The following PARVB variants were observed in gnomAD, a reference collection of about 807,000 sequenced individuals.
PARVB encodes parvin beta, also known as beta-parvin.
Under a neutral mutation model 47.0 loss-of-function variants are expected in PARVB, and 46 were observed. The ratio of observed to expected loss-of-function variants is 0.98; its 90% confidence interval spans 0.77 to 1.25. PARVB has a LOEUF of 1.25. Among genes scored for constraint, PARVB ranks in the 50% most tolerant of loss-of-function variants. The probability of loss-of-function intolerance (pLI) is 0.00; values close to 1 mark genes in which losing one functional copy is unlikely to be tolerated. For missense variants in PARVB, 473 were observed against 471.6 expected, an observed-to-expected ratio of 1.00 and a Z score of -0.03; for synonymous variants, 196 against 196.3, an observed-to-expected ratio of 1.00 and a Z score of 0.01.
intron 8 of PARVB, chr22:44,142,974 C>G (rs1261593815): frequency 2.6e-5 from 4 of 152,382 alleles, no homozygotes; most frequent in Admixed American, 1.3e-4. Flanking sequence ...CACGCCTTGT[C>G]TTCGCTTCCC....
intron 3 of PARVB, chr22:44,105,516 G>C (rs1220433892): frequency 2.6e-5 from 4 of 152,256 alleles, no homozygotes; most frequent in Admixed American, 1.3e-4. Flanking sequence ...CCTAACCCCA[G>C]TTACTTTTTC....
intron 1 of PARVB, among the ~76,000 whole-genome samples, chr22:44,077,414 T>G (rs1043505467): frequency 6.6e-6 from 1 of 152,214 alleles, no homozygotes; most frequent in Non-Finnish European, 1.5e-5. Context: ...GCAACTTGAT[T>G]ACATCTGCAA....
chr22:44,163,981 G>A, intron 12 of PARVB, 51 bp downstream of exon 12: 2 of 1,413,156 alleles, frequency 1.4e-6, no homozygotes, highest in Admixed American at 1.8e-5. Flanking sequence ...CGGAGGGGAA[G>A]AAAAACGGGT....
intron 2 of PARVB, chr22:44,010,611 C>T (rs2050512216): frequency 6.6e-6 from 1 of 152,226 alleles, no homozygotes; most frequent in South Asian, 2.1e-4. Flanking sequence ...ATCTGAATCA[C>T]TGTTGTTTTC....
intron 9 of PARVB, chr22:44,148,688 T>C (rs1299433583): frequency 6.6e-6 from 1 of 152,296 alleles, no homozygotes; most frequent in Non-Finnish European, 1.5e-5. Flanking sequence ...GGCTGACCTA[T>C]ACTGTACTTC....
At chr22:44,047,294 A>G (rs532157607) in intron 1 of PARVB, among the ~76,000 whole-genome samples, 92 of 152,334 alleles carry the variant, frequency 6.0e-4, no homozygotes, top group African/African-American at 2.0e-3. Flanking sequence ...AGGAGGTGCC[A>G]TGCTCTTTTC....
At chr22:44,083,046 G>A (rs1019280379) in intron 1 of PARVB, among the ~76,000 whole-genome samples, 4 of 152,144 alleles carry the variant, frequency 2.6e-5, no homozygotes, top group Non-Finnish European at 5.9e-5. Context: ...GTACTAGCAA[G>A]TCCCTAATTG....
At chr22:44,146,305 AC>A (rs2053675256) in intron 8 of PARVB, 1 of 146,842 alleles carries the variant, frequency 6.8e-6, no homozygotes, top group South Asian at 2.3e-4. Context: ...ACACGCACAC[AC>A]GTGCTCACAC....
chr22:44,149,369 T>C (rs1006480544), intron 9 of PARVB: 1 of 152,174 alleles, frequency 6.6e-6, no homozygotes, highest in Non-Finnish European at 1.5e-5. Flanking sequence ...AGCCTGTCCC[T>C]TCCTCACCTC....
intron 1 of PARVB, among the ~76,000 whole-genome samples, chr22:44,053,709 G>A (rs2051254013): frequency 6.6e-6 from 1 of 152,230 alleles, no homozygotes; most frequent in South Asian, 2.1e-4. Flanking sequence ...AACAGTGGCT[G>A]TAAGTCAGGG....
chr22:44,058,665 C>G (rs2051361183), intron 1 of PARVB, among the ~76,000 whole-genome samples: 1 of 151,320 alleles, frequency 6.6e-6, no homozygotes, highest in Non-Finnish European at 1.5e-5. Context: ...AGCGACTCTC[C>G]TGCCTCAGCC....
At chr22:44,133,540 A>T (rs2053376638) in intron 6 of PARVB, among the ~76,000 whole-genome samples, 1 of 151,854 alleles carries the variant, frequency 6.6e-6, no homozygotes, top group Non-Finnish European at 1.5e-5. Context: ...TTTATTTTTT[A>T]TTTTATTTTA....
At chr22:44,118,929 C>T (rs5764541) in intron 3 of PARVB, 109 bp from the exon 4 acceptor site, 503,000 of 758,808 alleles carry the variant, frequency 0.66, 169,609 homozygotes, top group African/African-American at 0.92. Flanking sequence ...GCTGTGGTCC[C>T]GGTGGTGGCT....
intron 3 of PARVB, chr22:44,106,152 T>G (rs965795369): frequency 6.8e-6 from 1 of 148,004 alleles, no homozygotes; most frequent in African/African-American, 2.5e-5. Context: ...TTTTTTTTTT[T>G]TTTTTTTTTT....
chr22:44,146,246 TCA>T (rs2053669156), intron 8 of PARVB: 1 of 126,980 alleles, frequency 7.9e-6, no homozygotes, highest in African/African-American at 3.1e-5. Context: ...ACACACGCGC[TCA>T]CACGTACACA....
chr22:44,095,074 G>A (rs1159784906), intron 2 of PARVB, among the ~76,000 whole-genome samples: 2 of 145,790 alleles, frequency 1.4e-5, no homozygotes, highest in Non-Finnish European at 3.1e-5. Context: ...GGGACTCTGG[G>A]CTCTGCGGCT....
chr22:44,126,193 G>A lies in PARVB; in HGVS notation c.377-5294G>A, dbSNP rs28373417. ...GGACTGCACGGCTTCACCCAAAGAG[G>A]GTGTTCCAAATTTTATTTGGCTGAA... On this transcript the variant is annotated intron_variant, in intron 4 of 12. Transcript: ENST00000338758. Among the ~76,000 whole-genome samples, 1,464 of 152,204 alleles carry A rather than the reference G, an allele frequency of 9.6e-3. 22 individuals carry two copies. Among genetic ancestry groups the A allele is most frequent in the African/African-American group, 0.034 (1,395 of 41,508 alleles).
At chr22:44,153,111 C>T (rs532662747) in intron 10 of PARVB, 50 of 152,234 alleles carry the variant, frequency 3.3e-4, no homozygotes, top group African/African-American at 1.2e-3. Flanking sequence ...ATTTGTGTAT[C>T]GTTGGCCAAC....
intron 1 of PARVB, among the ~76,000 whole-genome samples, chr22:44,077,451 G>A (rs914811031): frequency 3.3e-5 from 5 of 152,216 alleles, no homozygotes; most frequent in South Asian, 2.1e-4. Context: ...TAAGGCCACA[G>A]TCACAGGTGT....
Sources: allele counts gnomAD v4.1 joint callset (sites outside exome capture counted in the v4.1 genomes callset), GRCh38; gene constraint gnomAD v4.1.1; transcripts MANE v1.5; gene names NCBI Gene and HGNC (gene_info 2026-07-23, HGNC 2026-07-21).